PLCL1: variants seen among roughly 807,000 people sequenced by gnomAD.
The protein encoded by PLCL1 is inactive phospholipase C-like protein 1.
Under a neutral mutation model 84.4 loss-of-function variants are expected in PLCL1, and 41 were observed. The ratio of observed to expected loss-of-function variants is 0.49; its 90% confidence interval spans 0.38 to 0.63. The LOEUF (loss-of-function observed/expected upper bound fraction) is 0.63, where lower values mean the gene tolerates loss of function less well. PLCL1 is among the 30% of genes least tolerant of loss of function. The pLI, the probability that PLCL1 is intolerant of heterozygous loss-of-function variation, is 0.00. For missense variants in PLCL1, 1,206 were observed against 1,367.8 expected (o/e 0.88, Z 1.87); for synonymous variants, 490 against 488.3 (o/e 1.00, Z -0.05).
intron 1 of PLCL1, among the ~76,000 whole-genome samples, chr2:198,046,871 CT>C (rs1691816262): frequency 6.6e-6 from 1 of 152,092 alleles, no homozygotes. Flanking sequence ...AAACCAAAAC[CT>C]TCATATATTC....
intron 1 of PLCL1, among the ~76,000 whole-genome samples, chr2:198,024,829 T>A (rs777134312): frequency 3.3e-5 from 5 of 152,090 alleles, no homozygotes; most frequent in Non-Finnish European, 7.4e-5. Flanking sequence ...TGTGGCATCA[T>A]GAAAATTTCT....
intron 1 of PLCL1, among the ~76,000 whole-genome samples, chr2:198,070,196 G>A (rs954930457): frequency 6.6e-6 from 1 of 152,046 alleles, no homozygotes; most frequent in African/African-American, 2.4e-5. Context: ...AATTCTTACT[G>A]AGCCCAATAC....
intron 1 of PLCL1, among the ~76,000 whole-genome samples, chr2:197,945,762 G>C (rs916427770): frequency 6.6e-6 from 1 of 152,120 alleles, no homozygotes; most frequent in Admixed American, 6.5e-5. Flanking sequence ...ACTTTGTGAA[G>C]CATAATAAGT....
chr2:197,878,458 G>GC (rs1227775733), intron 1 of PLCL1, among the ~76,000 whole-genome samples: 2 of 152,068 alleles, frequency 1.3e-5, no homozygotes, highest in Non-Finnish European at 2.9e-5. Context: ...TGTACATTTT[G>GC]CTTTTTGTTA....
intron 1 of PLCL1, among the ~76,000 whole-genome samples, chr2:198,058,849 AG>A (rs1331589735): frequency 6.6e-6 from 1 of 152,172 alleles, no homozygotes; most frequent in Non-Finnish European, 1.5e-5. Flanking sequence ...ATCAGGCTGA[AG>A]ACAGAATTAA....
intron 5 of PLCL1, among the ~76,000 whole-genome samples, chr2:198,144,909 C>G (rs937811135): frequency 6.6e-6 from 1 of 152,130 alleles, no homozygotes; most frequent in African/African-American, 2.4e-5. Flanking sequence ...CCACAGACCC[C>G]GGAGCCAGCT....
chr2:197,973,095 G>A (rs1389635671), intron 1 of PLCL1, among the ~76,000 whole-genome samples: 2 of 152,232 alleles, frequency 1.3e-5, no homozygotes, highest in Non-Finnish European at 2.9e-5. Flanking sequence ...TCTGCCTAAT[G>A]AGGTGGGAGA....
At chr2:198,124,702 A>G (rs1221931986) in intron 5 of PLCL1, among the ~76,000 whole-genome samples, 3 of 152,176 alleles carry the variant, frequency 2.0e-5, no homozygotes, top group African/African-American at 4.8e-5. Context: ...GGATGCCTCT[A>G]TGAACATGAT....
intron 1 of PLCL1, among the ~76,000 whole-genome samples, chr2:198,042,446 G>A (rs1397842353): frequency 1.3e-5 from 2 of 152,182 alleles, no homozygotes; most frequent in African/African-American, 4.8e-5. Flanking sequence ...TGAGGTGGTG[G>A]TTTTAGCAAT....
At chr2:197,870,240 T>C (rs993068467) in intron 1 of PLCL1, among the ~76,000 whole-genome samples, 13 of 152,150 alleles carry the variant, frequency 8.5e-5, no homozygotes, top group African/African-American at 2.9e-4. Flanking sequence ...TTAGGGTGTT[T>C]GATGTGAATT....
rs538858451 is a variant in PLCL1, at chr2:197,991,380, G to A, written c.241-92378G>A. 2.0e-5 allele frequency among the ~76,000 whole-genome samples: 3 copies of A among 152,160 alleles called. No homozygotes were observed. In the East Asian group the frequency reaches 5.8e-4, roughly 29 times the overall value. ...TTTCTCAAACTCTATAGTGGCATGA[G>A]CCAATTACTCATAATCTCTCTCTCC... is the stretch of plus-strand genomic sequence containing the variant. On this transcript the variant is annotated intron_variant, in intron 1 of 5. Coordinates refer to ENST00000428675, the MANE Select transcript of PLCL1 (RefSeq NM_006226.4).
At chr2:198,016,768 G>A (rs978881712) in intron 1 of PLCL1, among the ~76,000 whole-genome samples, 4 of 152,242 alleles carry the variant, frequency 2.6e-5, no homozygotes, top group East Asian at 1.9e-4. Flanking sequence ...GGTTATCCTC[G>A]GGTTGTTTCC....
chr2:198,082,522 A>G (rs1692739902), intron 1 of PLCL1, among the ~76,000 whole-genome samples: 2 of 152,162 alleles, frequency 1.3e-5, no homozygotes, highest in African/African-American at 4.8e-5. Context: ...ATGCCCTATA[A>G]AATTGGGCAT....
At chr2:197,982,050 T>C (rs1312803613) in intron 1 of PLCL1, among the ~76,000 whole-genome samples, 1 of 151,868 alleles carries the variant, frequency 6.6e-6, no homozygotes, top group Non-Finnish European at 1.5e-5. Context: ...TTAAGTTTAA[T>C]AGTTTAATAG....
chr2:197,847,941 A>G (rs200905329), intron 1 of PLCL1, among the ~76,000 whole-genome samples: 1 of 152,200 alleles, frequency 6.6e-6, no homozygotes, highest in East Asian at 1.9e-4. Flanking sequence ...TGAGTCAGAG[A>G]GTGCAGCTGT....
chr2:197,905,262 A>G (rs181792228), intron 1 of PLCL1, among the ~76,000 whole-genome samples: 10 of 152,248 alleles, frequency 6.6e-5, no homozygotes, highest in African/African-American at 2.4e-4. Context: ...CTATCCCCCA[A>G]TAGGCCCCAG....
chr2:197,862,685 T>A (rs1265062140), intron 1 of PLCL1, among the ~76,000 whole-genome samples: 1 of 152,116 alleles, frequency 6.6e-6, no homozygotes, highest in African/African-American at 2.4e-5. Context: ...TTGGTTTAAG[T>A]ACAATAGAAA....
intron 1 of PLCL1, among the ~76,000 whole-genome samples, chr2:197,851,763 G>A (rs1687243738): frequency 6.6e-6 from 1 of 152,172 alleles, no homozygotes; most frequent in East Asian, 1.9e-4. Flanking sequence ...AGGACAAGAA[G>A]GTCTAGCCTT....
At chr2:198,112,135 TG>T (rs1417414011) in intron 5 of PLCL1, among the ~76,000 whole-genome samples, 1 of 151,968 alleles carries the variant, frequency 6.6e-6, no homozygotes, top group Non-Finnish European at 1.5e-5. Flanking sequence ...TAGTTCCATC[TG>T]CCCAGTAGTC....
Sources: allele counts gnomAD v4.1 joint callset (sites outside exome capture counted in the v4.1 genomes callset), GRCh38; gene constraint gnomAD v4.1.1; transcripts MANE v1.5; gene names NCBI Gene and HGNC (gene_info 2026-07-23, HGNC 2026-07-21).